Variants in ADAMTSL3 observed in about 807,000 individuals in gnomAD.
The protein encoded by ADAMTSL3 is ADAMTS like 3.
In ADAMTSL3, 128 loss-of-function variants were observed where a neutral mutation model predicts 201.7. That is an observed-to-expected ratio of 0.63 (90% CI 0.55 to 0.73). The LOEUF is 0.73. Among genes scored for constraint, ADAMTSL3 ranks in the 30% least tolerant of loss-of-function variants. The pLI, the probability that ADAMTSL3 is intolerant of heterozygous loss-of-function variation, is 0.00. For missense variants in ADAMTSL3, 1,990 were observed against 2,119.6 expected (o/e 0.94, Z 1.20); for synonymous variants, 738 against 748.4 (o/e 0.99, Z 0.23).
At position 83,982,974 on chromosome 15, in the gene ADAMTSL3, C is replaced by G; in HGVS notation, c.3346C>G (p.Leu1116Val). ...LMETGEVSDD[L>V]ASQLIYQLVA... is the part of the protein sequence containing the mutation. ...GGAAACCGGAGAGGTCAGCGATGAT[C>G]TTGCGTCCCAGCTGATATATCAGCT... Residue 1116 changes from leucine to valine, a missense_variant, in exon 21 of 30, where the codon CTT (leucine) becomes GTT (valine). Transcript: ENST00000286744. 1 of 1,614,146 alleles carries G rather than the reference C, an allele frequency of 6.2e-7. No homozygotes were observed. The highest frequency in any genetic ancestry group is 8.5e-7 in the Non-Finnish European group (1 of 1,180,022).
intron 3 of ADAMTSL3, among the ~76,000 whole-genome samples, chr15:83,753,825 A>C (rs567569848): frequency 1.3e-5 from 2 of 152,340 alleles, no homozygotes; most frequent in South Asian, 4.1e-4. Context: ...CCTGCTTGGA[A>C]GGGATGAAAA....
intron 19 of ADAMTSL3, among the ~76,000 whole-genome samples, chr15:83,950,596 T>C (rs1396489222): frequency 1.3e-5 from 2 of 152,134 alleles, no homozygotes; most frequent in African/African-American, 4.8e-5. Flanking sequence ...CTTTGGGTAG[T>C]ATGGACATTG....
intron 15 of ADAMTSL3, among the ~76,000 whole-genome samples, chr15:83,903,917 C>CAAA (rs1168502648): frequency 2.6e-4 from 5 of 19,274 alleles, no homozygotes; most frequent in South Asian, 2.8e-3. Flanking sequence ...GACTCCACAT[C>CAAA]AAAAAAAAAA....
At position 83,761,240 on chromosome 15, in the gene ADAMTSL3, G is replaced by T. The variant is rs151192076; in HGVS notation, c.190-12283G>T. ...TTCATGGATGATACAAGGACCTTAGGATACTTTAAGGCCATTTATCTCTCT... is the reference window on the plus strand; with the variant it reads ...TTCATGGATGATACAAGGACCTTAGTATACTTTAAGGCCATTTATCTCTCT... On this transcript the variant is annotated intron_variant, in intron 3 of 29. Coordinates refer to ENST00000286744, the MANE Select transcript of ADAMTSL3 (RefSeq NM_207517.3). 2.6e-5 allele frequency among the ~76,000 whole-genome samples: 4 copies of T among 152,052 alleles called. No individual in the cohort carries two copies. In the East Asian group the frequency reaches 7.7e-4, roughly 29 times the overall value.
At chr15:83,817,815 G>T (rs1370481323) in intron 5 of ADAMTSL3, among the ~76,000 whole-genome samples, 1 of 152,118 alleles carries the variant, frequency 6.6e-6, no homozygotes, top group Non-Finnish European at 1.5e-5. Flanking sequence ...GGAGGCTGAG[G>T]TGGGTGAATC....
At chr15:83,662,078 C>T (rs1399833296) in intron 2 of ADAMTSL3, among the ~76,000 whole-genome samples, 2 of 143,258 alleles carry the variant, frequency 1.4e-5, no homozygotes, top group Admixed American at 7.0e-5. Context: ...ACTGGGTATA[C>T]ACCCAAATGA....
At chr15:83,841,834 A>C (rs2064382478) in intron 7 of ADAMTSL3, among the ~76,000 whole-genome samples, 1 of 151,838 alleles carries the variant, frequency 6.6e-6, no homozygotes, top group African/African-American at 2.4e-5. Flanking sequence ...TGTGTCTATA[A>C]AAACCCCAAG....
chr15:84,011,476 T>A (rs945618496), intron 23 of ADAMTSL3, among the ~76,000 whole-genome samples: 3 of 152,130 alleles, frequency 2.0e-5, no homozygotes, highest in Admixed American at 6.5e-5. Context: ...GGATGGGAAG[T>A]CCAAGATTAA....
chr15:83,671,784 T>C (rs2585041), intron 2 of ADAMTSL3, among the ~76,000 whole-genome samples: 30,952 of 152,156 alleles, frequency 0.2, 4,123 homozygotes, highest in Admixed American at 0.34. Flanking sequence ...TCTTGTCTCC[T>C]ATTGATCTGT....
chr15:83,916,786 A>AAAAAT (rs71132609), intron 16 of ADAMTSL3, among the ~76,000 whole-genome samples: 94,718 of 151,304 alleles, frequency 0.63, 30,739 homozygotes, highest in African/African-American at 0.79. Flanking sequence ...TCTTTAGAAA[A>AAAAAT]AAAATAAAAT....
At chr15:83,706,796 A>T in intron 3 of ADAMTSL3, among the ~76,000 whole-genome samples, 1 of 124,858 alleles carries the variant, frequency 8.0e-6, no homozygotes, top group African/African-American at 3.0e-5. Flanking sequence ...AGCTGGGATT[A>T]TAGGCATTAG....
rs1334928537 is a variant in ADAMTSL3, at chr15:83,809,898, C to T, written c.363+5203C>T. On this transcript the variant is annotated intron_variant, in intron 5 of 29. Coordinates refer to ENST00000286744, the MANE Select transcript of ADAMTSL3 (RefSeq NM_207517.3). ...TTCTCTGTCCCAAGCCAGTGTGAGA[C>T]ATCAGTCCTGGGTAAGGGTTTCTAA... Among the ~76,000 whole-genome samples, 4 of 152,160 alleles carry T rather than the reference C, an allele frequency of 2.6e-5. No homozygotes were observed. The East Asian group carries it at 7.7e-4, about 29-fold the overall frequency.
chr15:83,839,335 G>C (rs2064332094), intron 7 of ADAMTSL3, among the ~76,000 whole-genome samples: 1 of 152,176 alleles, frequency 6.6e-6, no homozygotes, highest in African/African-American at 2.4e-5. Context: ...CACTGGAGAA[G>C]AGTCTGGGTG....
At chr15:83,970,663 C>T (rs748245524) in intron 20 of ADAMTSL3, 26 bp downstream of exon 20, 1 of 1,611,192 alleles carries the variant, frequency 6.2e-7, no homozygotes, top group African/African-American at 1.3e-5. Flanking sequence ...CCGCGCTTCA[C>T]CAAGATATGC....
At chr15:83,677,261 G>GGAGT (rs2061419739) in intron 2 of ADAMTSL3, among the ~76,000 whole-genome samples, 1 of 152,080 alleles carries the variant, frequency 6.6e-6, no homozygotes, top group Non-Finnish European at 1.5e-5. Flanking sequence ...GTTGTTGGGT[G>GGAGT]GAGTGTTCTT....
chr15:83,883,911 A>G (rs77543316), intron 9 of ADAMTSL3, among the ~76,000 whole-genome samples: 1 of 146,190 alleles, frequency 6.8e-6, no homozygotes, highest in Non-Finnish European at 1.5e-5. Flanking sequence ...TTTTTTTTTT[A>G]GATGGAGTTT....
intron 4 of ADAMTSL3, among the ~76,000 whole-genome samples, chr15:83,778,293 T>A (rs2063113889): frequency 6.6e-6 from 1 of 152,044 alleles, no homozygotes; most frequent in African/African-American, 2.4e-5. Flanking sequence ...AGTAAAATAC[T>A]TCCCAAGAAG....
intron 17 of ADAMTSL3, among the ~76,000 whole-genome samples, chr15:83,929,248 A>G (rs1032386444): frequency 1.3e-5 from 2 of 152,314 alleles, no homozygotes; most frequent in East Asian, 3.9e-4. Flanking sequence ...GAGTGGCTTA[A>G]AGAACAGAAA....
intron 15 of ADAMTSL3, among the ~76,000 whole-genome samples, chr15:83,907,042 C>G (rs954193548): frequency 6.8e-6 from 1 of 147,950 alleles, no homozygotes; most frequent in South Asian, 2.1e-4. Context: ...TGCATTGAGC[C>G]GTGATCACAC....
Sources: gnomAD v4.1 joint callset for allele counts (sites outside exome capture counted in the v4.1 genomes callset) on GRCh38, gnomAD v4.1.1 for gene constraint, MANE v1.5 for transcripts, NCBI Gene and HGNC (gene_info 2026-07-23, HGNC 2026-07-21) for gene names.